NAV2: variants seen among roughly 807,000 people sequenced by gnomAD.
NAV2 encodes helicase, APC down-regulated 1.
Under a neutral mutation model 223.2 loss-of-function variants are expected in NAV2, and 54 were observed. That is an observed-to-expected ratio of 0.24 (90% CI 0.19 to 0.30). The LOEUF (loss-of-function observed/expected upper bound fraction) is 0.30, where lower values mean the gene tolerates loss of function less well. Ranked by LOEUF, NAV2 falls within the 10% of genes least tolerant of loss-of-function variation. NAV2 has a pLI of 1.00. For synonymous variants in NAV2, 1,279 were observed against 1,239.3 expected (o/e 1.03, Z -0.67); for missense variants, 2,806 against 3,147.5 (o/e 0.89, Z 2.60).
chr11:19,901,268 C>T (rs573993287), intron 6 of NAV2, among the ~76,000 whole-genome samples: 22 of 152,276 alleles, frequency 1.4e-4, no homozygotes, highest in African/African-American at 4.1e-4. Flanking sequence ...CACTGCCTGC[C>T]GGGCATGATG....
intron 1 of NAV2, among the ~76,000 whole-genome samples, chr11:19,383,504 AC>A (rs1426430147): frequency 6.6e-6 from 1 of 152,188 alleles, no homozygotes; most frequent in Non-Finnish European, 1.5e-5. Context: ...AACAATATAG[AC>A]CCTTTTTAAA....
chr11:19,893,474 C>T (rs1434119984), intron 6 of NAV2, among the ~76,000 whole-genome samples: 7 of 152,140 alleles, frequency 4.6e-5, no homozygotes, highest in African/African-American at 1.7e-4. Context: ...AGGAAAGCTG[C>T]CCCCTCACTC....
chr11:19,853,754 C>CT (rs5790093), intron 3 of NAV2, among the ~76,000 whole-genome samples: 14 of 149,008 alleles, frequency 9.4e-5, no homozygotes, highest in East Asian at 3.9e-4. Flanking sequence ...ACCTCTGTAA[C>CT]TTTTTTTTTT....
chr11:19,582,858 G>A (rs572684141), intron 1 of NAV2, among the ~76,000 whole-genome samples: 21 of 151,634 alleles, frequency 1.4e-4, no homozygotes, highest in East Asian at 3.9e-4. Context: ...TTGGCAATGC[G>A]GGCTCTTTTT....
chr11:19,896,799 T>C (rs868232601), intron 6 of NAV2, among the ~76,000 whole-genome samples: 20 of 152,344 alleles, frequency 1.3e-4, no homozygotes, highest in Middle Eastern at 6.8e-3. Flanking sequence ...GTAAACTAGT[T>C]CAACCATTGT....
intron 1 of NAV2, among the ~76,000 whole-genome samples, chr11:19,387,285 A>C (rs1231125137): frequency 6.6e-6 from 1 of 152,190 alleles, no homozygotes. Context: ...CAGTGGAAGG[A>C]CATCCCAGAG....
intron 1 of NAV2, among the ~76,000 whole-genome samples, chr11:19,359,892 A>G (rs1445327624): frequency 6.6e-6 from 1 of 151,864 alleles, no homozygotes; most frequent in Non-Finnish European, 1.5e-5. Flanking sequence ...CTCTTCCTCC[A>G]CTGCTTCTCA....
chr11:20,045,261 C>T lies in NAV2; in HGVS notation c.3493C>T (p.Arg1165Trp), dbSNP rs1382728764. Residue 1165 changes from arginine to tryptophan, a missense_variant, in exon 14 of 38, where the codon CGG becomes TGG. By Grantham distance (101) the Arg-to-Trp change is moderately radical (BLOSUM62 -3). Around this residue, in one of 4 missense-constraint regions of NAV2, gnomAD observed 742 missense variants for 777.9 expected, o/e 0.95. Transcript: ENST00000349880. The stretch of plus-strand genomic sequence containing the variant: ...TGCACTCGTCAGTCGGTCTGCTGGT[C>T]GGAAGTCAAGTATGGATGGGGCTCA... ...SSALVSRSAG[R>W]KSSMDGAQNQ... 8 of 1,614,160 alleles carry T rather than the reference C, an allele frequency of 5.0e-6. No homozygotes were observed. Among genetic ancestry groups the T allele is most frequent in the East Asian group, 4.5e-5 (2 of 44,872 alleles).
chr11:19,933,767 C>G lies in NAV2; in HGVS notation c.1523C>G (p.Ala508Gly). 1 of 1,614,212 alleles carries G rather than the reference C, an allele frequency of 6.2e-7. No individual in the cohort carries two copies. Among genetic ancestry groups the G allele is most frequent in the Non-Finnish European group, 8.5e-7 (1 of 1,180,042 alleles). Residue 508 changes from alanine to glycine, a missense_variant, in exon 7 of 38, where the codon GCC (alanine) becomes GGC (glycine). By Grantham distance (60) the Ala-to-Gly change is moderately conservative. Coordinates refer to ENST00000349880, the MANE Select transcript of NAV2 (RefSeq NM_145117.5). This position sits in a 1 kb window ranked among gnomAD's most constrained non-coding sequence, Gnocchi z 4.3. ...KEKSKDLAKR[A>G]SVTERLDLKE... ...AAAAGCAAGGACCTTGCCAAGAGAG[C>G]CTCTGTGACGGAGAGGCTGGACCTC... is the stretch of plus-strand genomic sequence containing the variant.
At position 19,868,904 on chromosome 11, in the gene NAV2, ATTG is replaced by A. The variant is rs749969498; in HGVS notation, c.439-15_439-13del. ...GAGGCTGAACATTTATTAAGTATATATTGTTGTTTTTCCCTCCTAGATTGAAAA... is the reference window on the plus strand; with the variant it reads ...GAGGCTGAACATTTATTAAGTATATATTGTTTTTCCCTCCTAGATTGAAAA... On this transcript the variant is annotated intron_variant, in intron 3 of 37. Coordinates refer to ENST00000349880, the MANE Select transcript of NAV2 (RefSeq NM_145117.5). 2 of 1,611,426 alleles carry A rather than the reference ATTG, an allele frequency of 1.2e-6. No individual in the cohort carries two copies. Among genetic ancestry groups the A allele is most frequent in the Non-Finnish European group, 1.7e-6 (2 of 1,178,072 alleles).
chr11:19,547,667 G>C (rs1394561836), intron 1 of NAV2, among the ~76,000 whole-genome samples: 1 of 152,050 alleles, frequency 6.6e-6, no homozygotes. Context: ...GGAAGGGAGT[G>C]GGGGCTGAGA....
chr11:19,499,218 G>T (rs116593724), intron 1 of NAV2, among the ~76,000 whole-genome samples: 1 of 152,208 alleles, frequency 6.6e-6, no homozygotes, highest in Non-Finnish European at 1.5e-5. Context: ...AATTAATGAC[G>T]TGGAACCTCT....
At chr11:19,602,044 G>A (rs2046363736) in intron 1 of NAV2, among the ~76,000 whole-genome samples, 2 of 152,180 alleles carry the variant, frequency 1.3e-5, no homozygotes, top group African/African-American at 2.4e-5. Flanking sequence ...CACTCTGATT[G>A]GCCCAGCTTG....
intron 22 of NAV2, among the ~76,000 whole-genome samples, chr11:20,073,835 G>T (rs181271240): frequency 8.2e-4 from 125 of 152,078 alleles, no homozygotes; most frequent in African/African-American, 2.7e-3. Context: ...CTTTTCTTCT[G>T]TATTAGTCTG....
At chr11:19,883,443 G>A (rs1591054378) in intron 5 of NAV2, among the ~76,000 whole-genome samples, 1 of 152,312 alleles carries the variant, frequency 6.6e-6, no homozygotes, top group East Asian at 1.9e-4. Flanking sequence ...GAGTCCAGGA[G>A]AGGAGCATAG....
chr11:20,053,890 C>T (rs1287717628), intron 17 of NAV2, among the ~76,000 whole-genome samples, 190 bp from the exon 18 acceptor site: 1 of 152,110 alleles, frequency 6.6e-6, no homozygotes, highest in East Asian at 1.9e-4. Flanking sequence ...AGTCATTTTC[C>T]CCAAACACAG....
intron 1 of NAV2, among the ~76,000 whole-genome samples, chr11:19,674,034 G>A (rs2048646466): frequency 6.6e-6 from 1 of 152,196 alleles, no homozygotes; most frequent in African/African-American, 2.4e-5. Flanking sequence ...CAACTCAGGG[G>A]CGCTTGGAAA....
chr11:19,560,712 C>T (rs528257713), intron 1 of NAV2, among the ~76,000 whole-genome samples: 1 of 152,324 alleles, frequency 6.6e-6, no homozygotes, highest in Admixed American at 6.5e-5. Flanking sequence ...GTAAGCTACT[C>T]CATCTTTCTG....
At chr11:20,010,904 T>C (rs536204348) in intron 11 of NAV2, among the ~76,000 whole-genome samples, 1 of 152,352 alleles carries the variant, frequency 6.6e-6, no homozygotes, top group African/African-American at 2.4e-5. Flanking sequence ...ATTTAGAAGT[T>C]CTAACAAAAC....
Sources: allele counts gnomAD v4.1 joint callset (sites outside exome capture counted in the v4.1 genomes callset), GRCh38; gene constraint gnomAD v4.1.1; regional missense constraint gnomAD v4.1.1; non-coding constraint Gnocchi (gnomAD v3.1); transcripts MANE v1.5; gene names NCBI Gene and HGNC (gene_info 2026-07-23, HGNC 2026-07-21).